Variants in OPRK1 observed in about 807,000 individuals in gnomAD.
OPRK1 encodes opioid receptor kappa 1, also known as kappa-type opioid receptor.
In OPRK1, 15 loss-of-function variants were observed where a neutral mutation model predicts 24.5. The ratio of observed to expected loss-of-function variants is 0.61; its 90% CI spans 0.41 to 0.94. The LOEUF is 0.94. Ranked by LOEUF, OPRK1 falls within the 40% of genes least tolerant of loss-of-function variation. The pLI, the probability that OPRK1 is intolerant of heterozygous loss-of-function variation, is 0.00. For missense variants in OPRK1, 479 were observed against 507.3 expected, an observed-to-expected ratio of 0.94 and a Z score of 0.54; for synonymous variants, 205 against 198.0, an observed-to-expected ratio of 1.04 and a Z score of -0.30.
In OPRK1 at chr8:53,227,036, T is replaced by C. The variant is rs181250246; in HGVS notation, c.*2261A>G. ...ACTTTGGGAGGCCGAGGCAGGTGAA[T>C]ATTCTGAGGTCAGGAGTTTGAGACC... is the stretch of plus-strand genomic sequence containing the variant. On this transcript the variant is annotated 3_prime_UTR_variant, in exon 4 of 4. Coordinates refer to ENST00000265572, the MANE Select transcript of OPRK1 (RefSeq NM_000912.5). 17 of 152,358 alleles carry C rather than the reference T, an allele frequency of 1.1e-4. No homozygotes were observed. The highest frequency in any genetic ancestry group is 7.2e-4 in the Admixed American group (11 of 15,300). 9.4% of individuals were successfully genotyped at this position (152,358 alleles called of 1,614,324 possible). A position where few individuals can be genotyped will look rare whatever the true frequency, so the allele number is the denominator to read the frequency against.
chr8:53,230,479 T>C (rs1419916856), intron 3 of OPRK1, among the ~76,000 whole-genome samples: 4 of 152,174 alleles, frequency 2.6e-5, no homozygotes, highest in African/African-American at 9.6e-5. Flanking sequence ...GGGAGAATCA[T>C]CAACATCATC....
rs144655994 is a variant in OPRK1, at chr8:53,242,566, G to C, written c.258-7455C>G. On this transcript the variant is annotated intron_variant, in intron 2 of 3. Coordinates refer to ENST00000265572, the MANE Select transcript of OPRK1 (RefSeq NM_000912.5). ...CTGTCGCCCAGGCTGGAGTGCAGTG[G>C]CGCGATCTCGGCTCACTGCAAGCTC... The C allele has an allele frequency of 6.2e-3, 1,063 of 171,326 alleles. 15 individuals are homozygous for C. Among genetic ancestry groups the C allele is most frequent in the African/African-American group, 0.024 (987 of 41,674 alleles). 10.6% of individuals were successfully genotyped at this position (171,326 alleles called of 1,614,324 possible).
At chr8:53,240,126 C>T (rs1310024866) in intron 2 of OPRK1, among the ~76,000 whole-genome samples, 1 of 152,136 alleles carries the variant, frequency 6.6e-6, no homozygotes, top group East Asian at 1.9e-4. Context: ...AATACTACCC[C>T]TCAATGGACA....
intron 2 of OPRK1, among the ~76,000 whole-genome samples, chr8:53,238,057 G>C (rs1015835413): frequency 1.3e-5 from 2 of 152,152 alleles, no homozygotes; most frequent in African/African-American, 4.8e-5. Context: ...GTTCTTCTGC[G>C]TACTACACTG....
rs554935621 is a variant in OPRK1, at chr8:53,249,767, TA to T, written c.257+1013del. 2.2e-4 allele frequency among the ~76,000 whole-genome samples: 34 copies of T among 152,078 alleles called. No homozygotes were observed. The South Asian group carries it at 5.2e-3, about 23-fold the overall frequency. On this transcript the variant is annotated intron_variant, in intron 2 of 3. Transcript: ENST00000265572. Reference sequence around the variant, plus strand: ...CCTGTTTCAAAACTAAAATCAAGCTTAAAAAAAATCAGCTATTCATCGTTTC... The same window carrying T: ...CCTGTTTCAAAACTAAAATCAAGCTTAAAAAAATCAGCTATTCATCGTTTC...
At chr8:53,243,742 GT>G (rs1379032131) in intron 2 of OPRK1, among the ~76,000 whole-genome samples, 1 of 152,172 alleles carries the variant, frequency 6.6e-6, no homozygotes, top group African/African-American at 2.4e-5. Context: ...AATTTCTGAA[GT>G]TATTTTTGCT....
intron 2 of OPRK1, among the ~76,000 whole-genome samples, chr8:53,236,312 A>T (rs796974003): frequency 4.6e-5 from 7 of 152,288 alleles, no homozygotes; most frequent in African/African-American, 1.7e-4. Context: ...AGTACGTGAG[A>T]CAAGGGCAGT....
Position 53,229,778 on chromosome 8 carries a change from C to T in OPRK1, c.662G>A (p.Trp221Ter), listed in dbSNP as rs1490701374. 4.4e-6 allele frequency: 7 copies of T among 1,605,920 alleles called. No homozygotes were observed. Among genetic ancestry groups the T allele is most frequent in the South Asian group, 1.1e-5 (1 of 89,816 alleles). ...SLQFPDDDYS[W>*]WDLFMKICVF... ...GCAGATCTTCATGAAGAGGTCCCACCAGGAGTAGTCATCATCTGGGAACTG... is the reference window on the plus strand; with the variant it reads ...GCAGATCTTCATGAAGAGGTCCCACTAGGAGTAGTCATCATCTGGGAACTG... Residue 221 changes from tryptophan (W) to a stop codon, truncating the protein, a stop_gained, in exon 4 of 4, where the codon TGG (tryptophan) becomes TAG (stop). Coordinates refer to ENST00000265572, the MANE Select transcript of OPRK1 (RefSeq NM_000912.5). LOFTEE classifies it high-confidence loss of function.
rs1203738847 is a variant in OPRK1, at chr8:53,235,042, A to C, written c.327T>G (p.Thr109=). 7 of 1,614,256 alleles carry C rather than the reference A, an allele frequency of 4.3e-6. No homozygotes were observed. The highest frequency in any genetic ancestry group is 5.9e-6 in the Non-Finnish European group (7 of 1,180,046). ...FNLALADALV[T]TTMPFQSTVY... The stretch of plus-strand genomic sequence containing the variant: ...CCGTACTCTGAAAGGGCATGGTTGT[A>C]GTAACTAAAGCATCTGCCAAAGCCA... The change falls in exon 3 of 4, where the codon ACT becomes ACG. Residue 109 remains threonine (T), a synonymous_variant. Coordinates refer to ENST00000265572, the MANE Select transcript of OPRK1 (RefSeq NM_000912.5).
At chr8:53,251,112 C>A in intron 1 of OPRK1, 27 bp from the exon 2 acceptor site, 1 of 1,413,928 alleles carries the variant, frequency 7.1e-7, no homozygotes. Context: ...ACCGGCTGGA[C>A]GCGGAGAGGC....
At chr8:53,246,010 A>G (rs1807219219) in intron 2 of OPRK1, among the ~76,000 whole-genome samples, 2 of 152,156 alleles carry the variant, frequency 1.3e-5, no homozygotes, top group Non-Finnish European at 2.9e-5. Flanking sequence ...ATTTCTTAAC[A>G]TGGACATCCT....
chr8:53,245,713 A>G (rs1268469563), intron 2 of OPRK1, among the ~76,000 whole-genome samples: 1 of 152,170 alleles, frequency 6.6e-6, no homozygotes, highest in Admixed American at 6.5e-5. Context: ...GAGTGTGATG[A>G]GTCACCTTGG....
chr8:53,234,431 C>T (rs1198164897), intron 3 of OPRK1, among the ~76,000 whole-genome samples: 1 of 152,060 alleles, frequency 6.6e-6, no homozygotes, highest in Middle Eastern at 3.2e-3. Flanking sequence ...GAAGGTGTGT[C>T]CTGGACTTGC....
rs937471960 is a variant in OPRK1 at position 53,228,047 on chromosome 8, A to C, written c.*1250T>G. The C allele has an allele frequency of 6.6e-6, 1 of 152,212 alleles. No individual in the cohort carries two copies. The highest frequency in any genetic ancestry group is 2.4e-5 in the African/African-American group (1 of 41,454). The allele number at this position is 152,212 out of a possible 1,614,324, so 9.4% of individuals were successfully genotyped here. A position where few individuals can be genotyped will look rare whatever the true frequency, so the allele number is the denominator to read the frequency against. ...CCCTAAATGTGCTGCTCCTGGCATT[A>C]TCCTCAGCAGGTATGCCCTTCACAG... is the stretch of plus-strand genomic sequence containing the variant. On this transcript the variant is annotated 3_prime_UTR_variant, in exon 4 of 4. Transcript: ENST00000265572.
chr8:53,247,907 C>T (rs1807271141), intron 2 of OPRK1, among the ~76,000 whole-genome samples: 1 of 139,888 alleles, frequency 7.1e-6, no homozygotes, highest in South Asian at 2.3e-4. Context: ...GAGAGAATTG[C>T]TTGAGCCTGG....
Position 53,250,896 on chromosome 8 carries a change from G to T in OPRK1, c.142C>A (p.Gln48Lys), listed in dbSNP as rs750052515. The T allele has an allele frequency of 3.1e-6, 5 of 1,612,150 alleles. No individual in the cohort carries two copies. In the Admixed American group the frequency reaches 8.3e-5, roughly 27 times the overall value. Reference protein sequence around the residue: ...SNGSAGSEDAQLEPAHISPAI... With the variant: ...SNGSAGSEDAKLEPAHISPAI... ...GGGGAGATGTGCGCGGGCTCCAGCT[G>T]CGCGTCCTCCGAGCCGGCGCTGCCG... Residue 48 changes from glutamine to lysine, a missense_variant, in exon 2 of 4, where the codon CAG (glutamine) becomes AAG (lysine). Coordinates refer to ENST00000265572, the MANE Select transcript of OPRK1 (RefSeq NM_000912.5).
chr8:53,229,524 T>G lies in OPRK1; in HGVS notation c.916A>C (p.Thr306Pro), dbSNP rs199586709. ...VEALGSTSHS[T>P]AALSSYYFCI... ...AAGTAATAGCTGGAGAGAGCAGCTG[T>G]GCTGTGGGAGGTGCTCCCCAGAGCC... Residue 306 changes from threonine (T) to proline (P), a missense_variant, in exon 4 of 4, where the codon ACA becomes CCA. Thr to Pro is a conservative substitution (Grantham distance 38). Transcript: ENST00000265572. 5.6e-5 allele frequency: 90 copies of G among 1,614,076 alleles called. No homozygotes were observed. The highest frequency in any genetic ancestry group is 7.1e-5 in the Non-Finnish European group (84 of 1,180,044).
intron 3 of OPRK1, among the ~76,000 whole-genome samples, chr8:53,233,980 G>A (rs1391315365): frequency 1.8e-4 from 27 of 151,886 alleles, no homozygotes; most frequent in Admixed American, 1.8e-3. Flanking sequence ...GGCAGATCAC[G>A]AGGTCAAGAG....
intron 2 of OPRK1, among the ~76,000 whole-genome samples, chr8:53,241,127 G>A (rs527725066): frequency 6.6e-6 from 1 of 152,216 alleles, no homozygotes; most frequent in South Asian, 2.1e-4. Context: ...ATGTGTGGGG[G>A]CATGGGGTAT....
Sources: allele counts gnomAD v4.1 joint callset (sites outside exome capture counted in the v4.1 genomes callset), GRCh38; gene constraint gnomAD v4.1.1; transcripts MANE v1.5; gene names NCBI Gene and HGNC (gene_info 2026-07-23, HGNC 2026-07-21).